Variants in CDH4 observed in about 807,000 individuals in gnomAD.
The protein encoded by CDH4 is cadherin-4.
In CDH4, 33 loss-of-function variants were observed where a neutral mutation model predicts 86.0. That is an observed-to-expected ratio of 0.38 (90% confidence interval 0.29 to 0.51). The LOEUF is 0.51. Among genes scored for constraint, CDH4 ranks in the 20% least tolerant of loss-of-function variants. The pLI, the probability that CDH4 is intolerant of heterozygous loss-of-function variation, is 0.86. For missense variants in CDH4, 1,114 were observed against 1,307.4 expected (o/e 0.85, Z 2.28); for synonymous variants, 555 against 549.4 (o/e 1.01, Z -0.14).
intron 2 of CDH4, among the ~76,000 whole-genome samples, chr20:61,666,628 G>C (rs115683993): frequency 1.6e-3 from 246 of 152,322 alleles, no homozygotes; most frequent in African/African-American, 5.3e-3. Context: ...TGTTGCTTCC[G>C]GAGGGCCAGC....
At chr20:61,584,622 T>A (rs114089549) in intron 2 of CDH4, among the ~76,000 whole-genome samples, 3,942 of 152,162 alleles carry the variant, frequency 0.026, 168 homozygotes, top group African/African-American at 0.091. Context: ...GTTGAATAAA[T>A]GCATGAATAG....
chr20:61,356,080 C>G (rs2084748286), intron 2 of CDH4, among the ~76,000 whole-genome samples: 1 of 152,160 alleles, frequency 6.6e-6, no homozygotes, highest in African/African-American at 2.4e-5. Flanking sequence ...TCTGGGCATC[C>G]CGTGGAGGTA....
chr20:61,652,938 A>ATTTATTT (rs1555819716), intron 2 of CDH4, among the ~76,000 whole-genome samples: 12 of 97,410 alleles, frequency 1.2e-4, no homozygotes, highest in East Asian at 2.4e-4. Context: ...TTATTTATTT[A>ATTTATTT]TTTTTTTTTT....
intron 2 of CDH4, among the ~76,000 whole-genome samples, chr20:61,424,588 G>T (rs2085201173): frequency 6.6e-6 from 1 of 152,190 alleles, no homozygotes; most frequent in South Asian, 2.1e-4. Context: ...CATGGCCCTT[G>T]TCTCCTCCTG....
At chr20:61,885,228 T>C (rs1258995638) in intron 7 of CDH4, among the ~76,000 whole-genome samples, 1 of 152,156 alleles carries the variant, frequency 6.6e-6, no homozygotes, top group African/African-American at 2.4e-5. Context: ...GGTCACAAGG[T>C]TGTGCAACCA....
intron 2 of CDH4, among the ~76,000 whole-genome samples, chr20:61,522,792 T>C (rs931995676): frequency 1.3e-5 from 2 of 152,230 alleles, no homozygotes; most frequent in African/African-American, 4.8e-5. Flanking sequence ...TGTGGCCTTA[T>C]TATCTGCTCC....
intron 2 of CDH4, among the ~76,000 whole-genome samples, chr20:61,621,255 T>C (rs975418715): frequency 1.3e-5 from 2 of 152,246 alleles, no homozygotes; most frequent in African/African-American, 4.8e-5. Flanking sequence ...TATTTGCTTC[T>C]GTACTGCCCT....
intron 2 of CDH4, among the ~76,000 whole-genome samples, chr20:61,540,318 G>A (rs146370841): frequency 1.4e-3 from 220 of 152,318 alleles, no homozygotes; most frequent in Non-Finnish European, 2.8e-3. Context: ...TGTATCCTTT[G>A]ACATGGTTCT....
At chr20:61,919,179 G>A (rs2054939852) in intron 9 of CDH4, among the ~76,000 whole-genome samples, 1 of 152,214 alleles carries the variant, frequency 6.6e-6, no homozygotes, top group African/African-American at 2.4e-5. Flanking sequence ...CCTTATTGAT[G>A]TGATTTTTAA....
In CDH4 at chr20:61,910,599, G is replaced by A. The variant is rs778555934; in HGVS notation, c.1366G>A (p.Val456Met). The A allele has an allele frequency of 1.1e-5, 18 of 1,613,302 alleles. No homozygotes were observed. The highest frequency in any genetic ancestry group is 3.3e-5 in the South Asian group (3 of 91,082). The change falls in exon 9 of 16, where the codon GTG (valine) becomes ATG (methionine). Residue 456 changes from valine to methionine, a missense_variant. By Grantham distance (21) the Val-to-Met change is conservative (BLOSUM62 1). Transcript: ENST00000614565. Reference protein sequence around the residue: ...DPVTNEGMVTVVKAVDYELNR... With the variant: ...DPVTNEGMVTMVKAVDYELNR... ...CGTAACCAACGAGGGCATGGTCACC[G>A]TGGTGAAGGTGCGTACTCTTCTCAC...
intron 4 of CDH4, among the ~76,000 whole-genome samples, chr20:61,818,053 G>A (rs934603720): frequency 6.6e-5 from 10 of 150,964 alleles, no homozygotes; most frequent in South Asian, 2.1e-4. Flanking sequence ...TTTTTGAGAC[G>A]GAGTCTCGCT....
chr20:61,532,078 G>A (rs527970860), intron 2 of CDH4, among the ~76,000 whole-genome samples: 6 of 152,270 alleles, frequency 3.9e-5, no homozygotes, highest in African/African-American at 9.6e-5. Context: ...GAGGAGAGGC[G>A]GATAAAACAC....
Position 61,254,830 on chromosome 20 carries a change from A to G in CDH4, c.62A>G (p.His21Arg). The G allele has an allele frequency of 1.3e-6, 2 of 1,590,274 alleles. No homozygotes were observed. Among genetic ancestry groups the G allele is most frequent in the Non-Finnish European group, 1.7e-6 (2 of 1,158,266 alleles). ...CTCTCCCCTTTGTGTTCTCAGGCCCATAATGAGGATCTTACAACTAGAGAG... is the reference window on the plus strand; with the variant it reads ...CTCTCCCCTTTGTGTTCTCAGGCCCGTAATGAGGATCTTACAACTAGAGAG... ...LLSLSGALRA[H>R]NEDLTTRETC... Residue 21 changes from histidine (H) to arginine (R), a missense_variant, in exon 2 of 16, where the codon CAT becomes CGT. His to Arg is a conservative substitution (Grantham distance 29). Transcript: ENST00000614565.
chr20:61,700,037 C>T (rs1056034037), intron 2 of CDH4, among the ~76,000 whole-genome samples: 1 of 152,196 alleles, frequency 6.6e-6, no homozygotes, highest in Non-Finnish European at 1.5e-5. Flanking sequence ...TGCAGGCGTG[C>T]ACTCGGAACA....
At chr20:61,686,431 ATGTGCG>A (rs1442873229) in intron 2 of CDH4, among the ~76,000 whole-genome samples, 158 of 144,862 alleles carry the variant, frequency 1.1e-3, no homozygotes, top group African/African-American at 3.5e-3. Context: ...TTGCGTGTGT[ATGTGCG>A]TGTGCGTGTG....
At chr20:61,933,758 T>G (rs1260168311) in intron 14 of CDH4, among the ~76,000 whole-genome samples, 1 of 151,936 alleles carries the variant, frequency 6.6e-6, no homozygotes, top group Non-Finnish European at 1.5e-5. Flanking sequence ...CCCTGAGCAC[T>G]CGGGGCACGT....
chr20:61,488,581 A>T (rs568954079), intron 2 of CDH4, among the ~76,000 whole-genome samples: 1 of 152,204 alleles, frequency 6.6e-6, no homozygotes, highest in Non-Finnish European at 1.5e-5. Flanking sequence ...TATGTACTCT[A>T]TAAAAAATGT....
chr20:61,471,411 CTCTT>C lies in CDH4; in HGVS notation c.169+216476_169+216479del, dbSNP rs542865041. On this transcript the variant is annotated intron_variant, in intron 2 of 15. Transcript: ENST00000614565. ...CTGATTGTATTTATTTGGGTCTTCT[CTCTT>C]TTTTTTCTCAATCTAGCTAAAGGTT... 1.9e-3 allele frequency among the ~76,000 whole-genome samples: 286 copies of C among 151,596 alleles called. 1 individual carries two copies. The highest frequency in any genetic ancestry group is 6.6e-3 in the African/African-American group (272 of 41,408).
chr20:61,286,488 G>T (rs2084293921), intron 2 of CDH4, among the ~76,000 whole-genome samples: 1 of 152,236 alleles, frequency 6.6e-6, no homozygotes, highest in Admixed American at 6.5e-5. Flanking sequence ...ATGCTACTTA[G>T]TGTGGAGGGG....
Sources: allele counts gnomAD v4.1 joint callset (sites outside exome capture counted in the v4.1 genomes callset), GRCh38; gene constraint gnomAD v4.1.1; transcripts MANE v1.5; gene names NCBI Gene and HGNC (gene_info 2026-07-23, HGNC 2026-07-21).